The following STX8 variants were observed in gnomAD, a reference collection of about 807,000 sequenced individuals.
STX8 encodes syntaxin 8.
STX8 carries 23 observed loss-of-function variants against 37.5 expected under a neutral mutation model. That is an observed-to-expected ratio of 0.61 (90% CI 0.44 to 0.87). STX8 has a LOEUF of 0.87. STX8 is among the 40% of genes least tolerant of loss of function. The probability of loss-of-function intolerance (pLI) is 0.00; values close to 1 mark genes in which losing one functional copy is unlikely to be tolerated. For missense variants in STX8, 313 were observed against 284.7 expected (o/e 1.10, Z -0.71); for synonymous variants, 115 against 99.1 (o/e 1.16, Z -0.95).
chr17:9,449,903 G>C (rs1359141684), intron 6 of STX8, among the ~76,000 whole-genome samples: 1 of 151,568 alleles, frequency 6.6e-6, no homozygotes, highest in Non-Finnish European at 1.5e-5. Flanking sequence ...AGAATCTCTT[G>C]AGCCCAGGAG....
At chr17:9,448,686 T>G (rs988397233) in intron 6 of STX8, among the ~76,000 whole-genome samples, 3 of 152,170 alleles carry the variant, frequency 2.0e-5, no homozygotes, top group African/African-American at 7.2e-5. Context: ...AGGGTTTCAT[T>G]AATTGGTTGA....
intron 7 of STX8, among the ~76,000 whole-genome samples, chr17:9,315,597 C>CT (rs1909357002): frequency 6.6e-6 from 1 of 152,168 alleles, no homozygotes; most frequent in South Asian, 2.1e-4. Context: ...AACATGTTGA[C>CT]TATGTATATT....
intron 5 of STX8, among the ~76,000 whole-genome samples, chr17:9,504,792 G>T (rs1454962294): frequency 6.6e-6 from 1 of 151,650 alleles, no homozygotes; most frequent in Non-Finnish European, 1.5e-5. Flanking sequence ...GGCTAACAGG[G>T]TGAAACCCTG....
At chr17:9,382,167 ACACT>A (rs1157933790) in intron 6 of STX8, among the ~76,000 whole-genome samples, 2 of 135,020 alleles carry the variant, frequency 1.5e-5, no homozygotes, top group Non-Finnish European at 3.1e-5. Flanking sequence ...AACCAAGAAA[ACACT>A]CACACACACA....
chr17:9,541,176 G>A (rs112896484), intron 4 of STX8, among the ~76,000 whole-genome samples: 2,203 of 152,300 alleles, frequency 0.014, 25 homozygotes, highest in Non-Finnish European at 0.026. Context: ...AATACCTCCA[G>A]AAGACAAGAC....
At chr17:9,430,788 T>G (rs1913933848) in intron 6 of STX8, among the ~76,000 whole-genome samples, 1 of 152,104 alleles carries the variant, frequency 6.6e-6, no homozygotes, top group African/African-American at 2.4e-5. Flanking sequence ...TAGCTGGGAC[T>G]ACAGGCGACC....
intron 6 of STX8, among the ~76,000 whole-genome samples, chr17:9,482,121 A>G (rs1421285158): frequency 6.6e-6 from 1 of 152,080 alleles, no homozygotes; most frequent in African/African-American, 2.4e-5. Flanking sequence ...ACAGTGTACC[A>G]TGATCGAGCC....
At chr17:9,254,488 T>C (rs2108942) in intron 7 of STX8, among the ~76,000 whole-genome samples, 77,187 of 151,672 alleles carry the variant, frequency 0.51, 20,678 homozygotes, top group Non-Finnish European at 0.61. Flanking sequence ...CTCCGCCTCC[T>C]GGGTTCAAGC....
chr17:9,512,130 T>C (rs1022443711), intron 4 of STX8, among the ~76,000 whole-genome samples: 1 of 152,172 alleles, frequency 6.6e-6, no homozygotes, highest in Non-Finnish European at 1.5e-5. Context: ...TGCTCATGGA[T>C]TGGAAGAATT....
chr17:9,268,001 A>G (rs965211143), intron 7 of STX8, among the ~76,000 whole-genome samples: 2 of 151,962 alleles, frequency 1.3e-5, no homozygotes, highest in South Asian at 2.1e-4. Flanking sequence ...AAAAAGAAAA[A>G]AAAAAAAAAA....
chr17:9,573,286 T>C (rs1402620192), intron 1 of STX8, among the ~76,000 whole-genome samples: 1 of 152,084 alleles, frequency 6.6e-6, no homozygotes, highest in Non-Finnish European at 1.5e-5. Context: ...AAGAAACACT[T>C]ACAATGTATT....
chr17:9,285,824 A>G (rs1425042173), intron 7 of STX8, among the ~76,000 whole-genome samples: 1 of 152,254 alleles, frequency 6.6e-6, no homozygotes, highest in Non-Finnish European at 1.5e-5. Flanking sequence ...GTCTTCACAT[A>G]CAGTTGCTAA....
chr17:9,327,080 C>A (rs1460454435), intron 7 of STX8, among the ~76,000 whole-genome samples: 1 of 151,578 alleles, frequency 6.6e-6, no homozygotes, highest in African/African-American at 2.4e-5. Flanking sequence ...TCGCTTGAAC[C>A]TGGGAGGCGG....
chr17:9,354,939 G>A (rs1272466315), intron 7 of STX8, among the ~76,000 whole-genome samples: 1 of 151,980 alleles, frequency 6.6e-6, no homozygotes, highest in Non-Finnish European at 1.5e-5. Flanking sequence ...GTTAATATTT[G>A]TCAGTAGCTT....
intron 6 of STX8, among the ~76,000 whole-genome samples, chr17:9,478,594 C>T (rs1906191832): frequency 6.6e-6 from 1 of 152,202 alleles, no homozygotes; most frequent in Non-Finnish European, 1.5e-5. Flanking sequence ...CAAAGTCCTT[C>T]CTAGAAAAAT....
intron 7 of STX8, among the ~76,000 whole-genome samples, chr17:9,356,772 T>C (rs1910892069): frequency 6.6e-6 from 1 of 152,134 alleles, no homozygotes; most frequent in African/African-American, 2.4e-5. Flanking sequence ...CTGCTTCTGC[T>C]GCAGCCCAGG....
chr17:9,436,624 A>C (rs551521520), intron 6 of STX8, among the ~76,000 whole-genome samples: 2 of 152,256 alleles, frequency 1.3e-5, no homozygotes, highest in South Asian at 4.1e-4. Flanking sequence ...CACGATCAAC[A>C]TAACATGGTG....
chr17:9,266,634 T>G (rs17808560), intron 7 of STX8, among the ~76,000 whole-genome samples: 15,307 of 151,998 alleles, frequency 0.1, 1,018 homozygotes, highest in Non-Finnish European at 0.15. Context: ...GGATCACTAG[T>G]GCCGCTTCTG....
intron 6 of STX8, among the ~76,000 whole-genome samples, chr17:9,458,513 A>G (rs1018627104): frequency 1.3e-5 from 2 of 152,260 alleles, no homozygotes; most frequent in Non-Finnish European, 2.9e-5. Context: ...CACATTCTTC[A>G]AAAACACATC....
Sources: gnomAD v4.1 joint callset for allele counts (sites outside exome capture counted in the v4.1 genomes callset) on GRCh38, gnomAD v4.1.1 for gene constraint, MANE v1.5 for transcripts, NCBI Gene and HGNC (gene_info 2026-07-23, HGNC 2026-07-21) for gene names.